Variants in SAMD5 observed in about 807,000 individuals in gnomAD.
SAMD5 encodes sterile alpha motif domain containing 5.
A neutral mutation model predicts 11.3 loss-of-function variants in SAMD5; 13 were observed. The observed-to-expected ratio is 1.15, with a 90% confidence interval of 0.75 to 1.83. The LOEUF (loss-of-function observed/expected upper bound fraction) is 1.83. Among genes scored for constraint, SAMD5 ranks in the 40% most tolerant of loss-of-function variants. The pLI is 0.00. For synonymous variants in SAMD5, 129 were observed against 111.3 expected (o/e 1.16, Z -1.00); for missense variants, 255 against 239.1 (o/e 1.07, Z -0.44).
chr6:147,906,114 T>C, the SAMD5 span, among the ~76,000 whole-genome samples: 1 of 152,200 alleles, frequency 6.6e-6, no homozygotes, highest in Non-Finnish European at 1.5e-5. Flanking sequence ...TTGTTTCAGA[T>C]TTGAGAACGC....
the SAMD5 span, among the ~76,000 whole-genome samples, chr6:147,895,750 C>T: frequency 6.6e-6 from 1 of 152,194 alleles, no homozygotes; most frequent in Non-Finnish European, 1.5e-5. Context: ...CTGGTTTGAC[C>T]TCGGCCACAT....
chr6:147,887,535 G>A, the SAMD5 span, among the ~76,000 whole-genome samples: 1 of 152,108 alleles, frequency 6.6e-6, no homozygotes, highest in African/African-American at 2.4e-5. Context: ...ATTATTGAAT[G>A]GCATTTCATT....
the SAMD5 span, among the ~76,000 whole-genome samples, chr6:147,806,122 G>A: frequency 6.6e-6 from 1 of 152,106 alleles, no homozygotes; most frequent in Non-Finnish European, 1.5e-5. Flanking sequence ...CTATCCACAA[G>A]AAAGACAGCT....
At chr6:147,720,518 T>G (rs986617131) in intron 1 of SAMD5, among the ~76,000 whole-genome samples, 1 of 151,760 alleles carries the variant, frequency 6.6e-6, no homozygotes, top group Non-Finnish European at 1.5e-5. Flanking sequence ...CCACATATTC[T>G]ATTCTACCTT....
chr6:147,598,267 T>C (rs2128447870), intron 1 of SAMD5, among the ~76,000 whole-genome samples: 1 of 151,992 alleles, frequency 6.6e-6, no homozygotes, highest in Non-Finnish European at 1.5e-5. Flanking sequence ...TGGGACTACA[T>C]GTGTACACCA....
In SAMD5 at chr6:147,516,992, T is replaced by C. The variant is rs117739477; in HGVS notation, c.459+7605T>C. ...CATATGCAACAACTTATTCTTCATC[T>C]TAGAAGGGATATCTTGATTTGCCCC... On this transcript the variant is annotated intron_variant, in intron 1 of 1. Coordinates refer to ENST00000367474, the MANE Select transcript of SAMD5 (RefSeq NM_001030060.3). 2.0e-5 allele frequency among the ~76,000 whole-genome samples: 3 copies of C among 152,336 alleles called. No individual in the cohort carries two copies. The East Asian group carries it at 5.8e-4, about 29-fold the overall frequency.
intron 1 of SAMD5, among the ~76,000 whole-genome samples, chr6:147,687,497 C>A (rs1791035466): frequency 6.6e-6 from 1 of 151,914 alleles, no homozygotes; most frequent in Non-Finnish European, 1.5e-5. Context: ...GGCTCAAACT[C>A]CTGGGCTCAA....
chr6:147,920,947 A>G, the SAMD5 span, among the ~76,000 whole-genome samples: 1 of 152,236 alleles, frequency 6.6e-6, no homozygotes, highest in Non-Finnish European at 1.5e-5. Flanking sequence ...CACCTCTGTT[A>G]CAATTATTTT....
At chr6:147,576,245 A>G (rs145236572) in intron 1 of SAMD5, among the ~76,000 whole-genome samples, 1,746 of 151,998 alleles carry the variant, frequency 0.011, 21 homozygotes, top group Non-Finnish European at 0.02. Context: ...GGTTCAAGCA[A>G]TTCTCCTTCC....
At chr6:147,931,114 CAGA>C in the SAMD5 span, among the ~76,000 whole-genome samples, 4 of 152,188 alleles carry the variant, frequency 2.6e-5, no homozygotes, top group Non-Finnish European at 1.5e-5. Context: ...ACAAGAATGA[CAGA>C]AGAACATTCC....
intron 1 of SAMD5, among the ~76,000 whole-genome samples, chr6:147,706,447 C>T (rs186731880): frequency 2.5e-4 from 38 of 152,290 alleles, no homozygotes; most frequent in African/African-American, 8.7e-4. Context: ...AGGCTGCTCT[C>T]GAACTCCTGA....
chr6:147,818,436 A>G, the SAMD5 span, among the ~76,000 whole-genome samples: 1 of 152,244 alleles, frequency 6.6e-6, no homozygotes, highest in Non-Finnish European at 1.5e-5. Flanking sequence ...TTAAATATAA[A>G]TATATGCAGT....
the SAMD5 span, among the ~76,000 whole-genome samples, chr6:147,877,082 T>TA: frequency 1.5e-3 from 226 of 151,564 alleles, no homozygotes; most frequent in South Asian, 4.6e-3. Context: ...GGTTTTTATT[T>TA]AAAAAAAAAT....
At chr6:147,756,710 C>T in the SAMD5 span, among the ~76,000 whole-genome samples, 2 of 152,302 alleles carry the variant, frequency 1.3e-5, no homozygotes, top group East Asian at 1.9e-4. Flanking sequence ...CCTGCGCTCG[C>T]GCAGTTATTT....
In SAMD5 at chr6:147,701,225, C is replaced by T. The variant is rs151292796; in HGVS notation, c.163-36092C>T. ...AGAAAAGTAATTAGATATTTGCAAG[C>T]ACTGTACATTTTTGTAAGTACTGAT... On this transcript the variant is annotated intron_variant, in intron 1 of 1. Transcript: ENST00000566741. 2.0e-3 allele frequency among the ~76,000 whole-genome samples: 303 copies of T among 152,198 alleles called. 1 individual carries two copies. The highest frequency in any genetic ancestry group is 6.9e-3 in the African/African-American group (286 of 41,532).
Position 147,566,650 on chromosome 6 carries a change from C to T in SAMD5, c.*2194C>T. 3 of 981,084 alleles carry T rather than the reference C, an allele frequency of 3.1e-6. No individual in the cohort carries two copies. The highest frequency in any genetic ancestry group is 3.6e-6 in the Non-Finnish European group (3 of 825,790). The allele number at this position is 981,084 out of a possible 1,614,324, so 60.8% of individuals were successfully genotyped here. ...CCAGGTTTAAACCTTCTCTCTGTGTCTGTGGTTAGAATTTGAAAATAACAA... is the reference window on the plus strand; with the variant it reads ...CCAGGTTTAAACCTTCTCTCTGTGTTTGTGGTTAGAATTTGAAAATAACAA... On this transcript the variant is annotated 3_prime_UTR_variant, in exon 2 of 2. Transcript: ENST00000367474.
At chr6:147,820,622 A>T in the SAMD5 span, among the ~76,000 whole-genome samples, 1 of 152,238 alleles carries the variant, frequency 6.6e-6, no homozygotes, top group South Asian at 2.1e-4. Flanking sequence ...AGACCATAGT[A>T]GTCTGAACAA....
chr6:147,779,323 A>G, the SAMD5 span, among the ~76,000 whole-genome samples: 1 of 152,134 alleles, frequency 6.6e-6, no homozygotes, highest in Admixed American at 6.6e-5. Context: ...CTAGTATAAT[A>G]TGAAATGCAT....
the SAMD5 span, among the ~76,000 whole-genome samples, chr6:147,918,796 C>T: frequency 1.4e-5 from 2 of 146,394 alleles, no homozygotes; most frequent in Non-Finnish European, 3.0e-5. Context: ...CTCCTGGGTT[C>T]AAGCAGTTCT....
Sources: gnomAD v4.1 joint callset for allele counts (sites outside exome capture counted in the v4.1 genomes callset) on GRCh38, gnomAD v4.1.1 for gene constraint, MANE v1.5 for transcripts, NCBI Gene and HGNC (gene_info 2026-07-23, HGNC 2026-07-21) for gene names.